Variants in HEG1 observed in about 807,000 individuals in gnomAD.
HEG1 encodes the protein heart development protein with EGF like domains 1, also known as protein HEG homolog 1.
A neutral mutation model predicts 125.6 loss-of-function variants in HEG1; 56 were observed. The ratio of observed to expected loss-of-function variants is 0.45; its 90% CI spans 0.36 to 0.56. The LOEUF is 0.56. Among genes scored for constraint, HEG1 ranks in the 20% least tolerant of loss-of-function variants. HEG1 has a pLI of 0.00. For synonymous variants in HEG1, 644 were observed against 668.5 expected, an observed-to-expected ratio of 0.96 and a Z score of 0.57; for missense variants, 1,523 against 1,670.0, an observed-to-expected ratio of 0.91 and a Z score of 1.53.
chr3:125,009,953 G>T, intron 7 of HEG1, 129 bp from the exon 8 acceptor site: 1 of 920,198 alleles, frequency 1.1e-6, no homozygotes, highest in Non-Finnish European at 1.5e-6. Flanking sequence ...ATAAGTATGA[G>T]AACACTCTTG....
At chr3:125,043,420 G>GT (rs60228985) in intron 1 of HEG1, among the ~76,000 whole-genome samples, 24,800 of 149,000 alleles carry the variant, frequency 0.17, 2,151 homozygotes, top group African/African-American at 0.22. Flanking sequence ...AATTCTATAG[G>GT]TTTTTTTTTT....
chr3:125,049,473 A>G (rs1553780921), intron 1 of HEG1, among the ~76,000 whole-genome samples: 2 of 152,170 alleles, frequency 1.3e-5, no homozygotes, highest in Non-Finnish European at 2.9e-5. Flanking sequence ...ACTGCCCCTC[A>G]GGGCTGAATC....
At chr3:125,044,094 A>T (rs768141212) in intron 1 of HEG1, among the ~76,000 whole-genome samples, 6 of 152,244 alleles carry the variant, frequency 3.9e-5, no homozygotes, top group Non-Finnish European at 8.8e-5. Context: ...GACGACTGCT[A>T]GAAAATGGAG....
intron 2 of HEG1, among the ~76,000 whole-genome samples, 170 bp from the exon 3 acceptor site, chr3:125,027,677 GTCTGTGTA>G (rs1468234280): frequency 6.6e-6 from 1 of 152,174 alleles, no homozygotes. Context: ...ACAGACCAAG[GTCTGTGTA>G]TTAGATCTCA....
chr3:124,988,194 C>T (rs1042839470), intron 14 of HEG1, among the ~76,000 whole-genome samples: 1 of 151,814 alleles, frequency 6.6e-6, no homozygotes, highest in African/African-American at 2.4e-5. Context: ...AGTGAACACA[C>T]ACCACTCTGT....
chr3:124,998,361 C>T (rs1289282634), intron 11 of HEG1, among the ~76,000 whole-genome samples: 2 of 152,236 alleles, frequency 1.3e-5, no homozygotes, highest in Non-Finnish European at 2.9e-5. Context: ...GCTTGCTGTC[C>T]TGACAGCGTG....
At chr3:124,971,193 A>G (rs930149973) in intron 16 of HEG1, 3 of 458,802 alleles carry the variant, frequency 6.5e-6, no homozygotes, top group Admixed American at 2.4e-5. Context: ...CAAAGTAGCA[A>G]CAAAGGTAAA....
intron 14 of HEG1, among the ~76,000 whole-genome samples, chr3:124,990,547 C>T (rs1376658383): frequency 2.0e-5 from 3 of 152,116 alleles, no homozygotes; most frequent in African/African-American, 7.2e-5. Context: ...CCATGTTGGC[C>T]AGAATGGTCT....
intron 16 of HEG1, chr3:124,971,097 G>A (rs929391225): frequency 1.9e-6 from 1 of 524,060 alleles, no homozygotes; most frequent in African/African-American, 1.9e-5. Flanking sequence ...CCCCAAACCA[G>A]GAGGCCAACA....
chr3:125,002,421 A>G (rs1207536003), intron 9 of HEG1, 106 bp from the exon 10 acceptor site: 1 of 963,886 alleles, frequency 1.0e-6, no homozygotes, highest in Non-Finnish European at 1.6e-6. Flanking sequence ...CCAGCCATCA[A>G]GTTATCAGCA....
At chr3:125,043,595 A>T (rs1409222730) in intron 1 of HEG1, among the ~76,000 whole-genome samples, 2 of 152,124 alleles carry the variant, frequency 1.3e-5, no homozygotes, top group Non-Finnish European at 2.9e-5. Flanking sequence ...ATCCTTTGAC[A>T]AATAAACATC....
chr3:124,977,424 T>C (rs1262242649), intron 15 of HEG1, among the ~76,000 whole-genome samples: 2 of 152,194 alleles, frequency 1.3e-5, no homozygotes, highest in Admixed American at 6.5e-5. Context: ...AGTTTTAAAA[T>C]TAGGTTGTTG....
At chr3:125,033,528 G>A (rs1047385988) in intron 1 of HEG1, among the ~76,000 whole-genome samples, 4 of 152,146 alleles carry the variant, frequency 2.6e-5, no homozygotes, top group Non-Finnish European at 4.4e-5. Flanking sequence ...AATCTCACCC[G>A]AGTATATATA....
At chr3:125,032,840 G>A (rs918658387) in intron 1 of HEG1, among the ~76,000 whole-genome samples, 8 of 152,202 alleles carry the variant, frequency 5.3e-5, no homozygotes, top group Non-Finnish European at 7.3e-5. Flanking sequence ...GACAAGGTGA[G>A]ACTCAGCCAT....
At chr3:125,039,347 G>A (rs1937573597) in intron 1 of HEG1, among the ~76,000 whole-genome samples, 1 of 152,140 alleles carries the variant, frequency 6.6e-6, no homozygotes, top group Non-Finnish European at 1.5e-5. Context: ...CTCCCTGCCA[G>A]TGATTTGGGG....
chr3:125,041,507 T>A (rs1460397246), intron 1 of HEG1, among the ~76,000 whole-genome samples: 1 of 152,180 alleles, frequency 6.6e-6, no homozygotes, highest in Non-Finnish European at 1.5e-5. Flanking sequence ...CTGGTGGGAA[T>A]GTAAGATGGT....
At chr3:124,989,060 A>C (rs1936789333) in intron 14 of HEG1, among the ~76,000 whole-genome samples, 1 of 152,228 alleles carries the variant, frequency 6.6e-6, no homozygotes, top group African/African-American at 2.4e-5. Context: ...CAGTCAAGAT[A>C]AATCAGATGA....
At chr3:124,993,208 C>G (rs1025234047) in intron 12 of HEG1, among the ~76,000 whole-genome samples, 2 of 152,216 alleles carry the variant, frequency 1.3e-5, no homozygotes, top group African/African-American at 4.8e-5. Flanking sequence ...CCTGCTGTGT[C>G]TCATTCTGCA....
chr3:124,987,952 C>CACACATATATATATATATATATATATAT, intron 14 of HEG1, among the ~76,000 whole-genome samples: 1 of 54,660 alleles, frequency 1.8e-5, no homozygotes, highest in Admixed American at 2.2e-4. Context: ...CACACACACA[C>CACACATATATATATATATATATATATAT]ATATATATAT....
Sources: allele counts gnomAD v4.1 joint callset (sites outside exome capture counted in the v4.1 genomes callset), GRCh38; gene constraint gnomAD v4.1.1; transcripts MANE v1.5; gene names NCBI Gene and HGNC (gene_info 2026-07-23, HGNC 2026-07-21).